Variants in LRRTM4 observed in about 807,000 individuals in gnomAD.
LRRTM4 encodes the protein leucine rich repeat transmembrane neuronal 4.
In LRRTM4, 25 loss-of-function variants were observed where a neutral mutation model predicts 47.6. The observed-to-expected ratio is 0.53, with a 90% CI of 0.38 to 0.73. The LOEUF is 0.73. LRRTM4 is among the 30% of genes least tolerant of loss of function. The pLI is 0.00. For synonymous variants in LRRTM4, 311 were observed against 269.5 expected, an observed-to-expected ratio of 1.15 and a Z score of -1.51; for missense variants, 638 against 713.4, an observed-to-expected ratio of 0.89 and a Z score of 1.20.
chr2:77,002,471 T>C (rs959365485), intron 3 of LRRTM4, among the ~76,000 whole-genome samples: 1 of 152,166 alleles, frequency 6.6e-6, no homozygotes, highest in Non-Finnish European at 1.5e-5. Flanking sequence ...ATAACCACCA[T>C]TGCTGACTAC....
At chr2:77,416,493 T>C (rs965007999) in intron 3 of LRRTM4, among the ~76,000 whole-genome samples, 1 of 152,264 alleles carries the variant, frequency 6.6e-6, no homozygotes, top group East Asian at 1.9e-4. Context: ...CATGAACATA[T>C]GCTACTATTA....
intron 3 of LRRTM4, among the ~76,000 whole-genome samples, chr2:77,035,574 C>CA (rs752067344): frequency 1.3e-5 from 2 of 151,664 alleles, no homozygotes; most frequent in Non-Finnish European, 2.9e-5. Context: ...ACCCAAGAAA[C>CA]AAAAATGATG....
At chr2:76,802,824 A>G (rs540245292) in intron 3 of LRRTM4, among the ~76,000 whole-genome samples, 3 of 152,288 alleles carry the variant, frequency 2.0e-5, no homozygotes, top group African/African-American at 7.2e-5. Flanking sequence ...GGTTTTTGAC[A>G]AAGGGACCAA....
At chr2:77,090,163 G>A (rs903399821) in intron 3 of LRRTM4, among the ~76,000 whole-genome samples, 9 of 152,120 alleles carry the variant, frequency 5.9e-5, no homozygotes, top group Non-Finnish European at 1.3e-4. Context: ...CTGGCTTACA[G>A]TTTCGTTCCG....
intron 3 of LRRTM4, among the ~76,000 whole-genome samples, chr2:77,425,412 A>G (rs1313601931): frequency 6.6e-6 from 1 of 152,178 alleles, no homozygotes; most frequent in Non-Finnish European, 1.5e-5. Flanking sequence ...CCTAAGTAGC[A>G]TTTACTTTTG....
Position 77,196,197 on chromosome 2 carries a change from G to A in LRRTM4, c.1551+322121C>T, listed in dbSNP as rs1360521648. On this transcript the variant is annotated intron_variant, in intron 3 of 3. Coordinates refer to ENST00000409884, the MANE Select transcript of LRRTM4 (RefSeq NM_001134745.3). ...TTTTTGAATTTACTTTCTTAGTTTGGCACAATAATTGTACAAATTCATGGA... is the reference window on the plus strand; with the variant it reads ...TTTTTGAATTTACTTTCTTAGTTTGACACAATAATTGTACAAATTCATGGA... Among the ~76,000 whole-genome samples, 11 of 152,082 alleles carry A rather than the reference G, an allele frequency of 7.2e-5. No individual in the cohort carries two copies. In the East Asian group the frequency reaches 9.6e-4, roughly 13 times the overall value.
intron 3 of LRRTM4, among the ~76,000 whole-genome samples, chr2:77,052,058 T>C (rs1437396573): frequency 6.6e-6 from 1 of 151,926 alleles, no homozygotes; most frequent in Non-Finnish European, 1.5e-5. Context: ...ATTTTGACCT[T>C]TGACCATGAG....
At chr2:77,087,126 T>C (rs1284717075) in intron 3 of LRRTM4, among the ~76,000 whole-genome samples, 4 of 152,192 alleles carry the variant, frequency 2.6e-5, no homozygotes, top group African/African-American at 9.6e-5. Context: ...GAAGCTTGTT[T>C]GTTATGCATC....
At chr2:76,872,698 C>T (rs527295965) in intron 3 of LRRTM4, among the ~76,000 whole-genome samples, 80 of 152,114 alleles carry the variant, frequency 5.3e-4, no homozygotes, top group Non-Finnish European at 9.3e-4. Context: ...ATATTTGACC[C>T]TCCAAACCTC....
At chr2:77,254,534 G>C (rs1270382757) in intron 3 of LRRTM4, among the ~76,000 whole-genome samples, 1 of 151,782 alleles carries the variant, frequency 6.6e-6, no homozygotes, top group Non-Finnish European at 1.5e-5. Context: ...AGATAAAATG[G>C]ATCTTTCACT....
intron 3 of LRRTM4, among the ~76,000 whole-genome samples, chr2:77,203,136 T>TA (rs1674025520): frequency 1.3e-5 from 2 of 152,000 alleles, no homozygotes; most frequent in Non-Finnish European, 2.9e-5. Context: ...TGTGTGTATA[T>TA]ATATGCAGTC....
At chr2:77,091,856 A>G (rs148102408) in intron 3 of LRRTM4, among the ~76,000 whole-genome samples, 41,124 of 127,004 alleles carry the variant, frequency 0.32, 7,765 homozygotes, top group East Asian at 0.57. Flanking sequence ...AATCGTGTCC[A>G]ACTGATCTCT....
intron 3 of LRRTM4, among the ~76,000 whole-genome samples, chr2:77,022,761 C>T (rs1410107155): frequency 6.6e-6 from 1 of 152,164 alleles, no homozygotes; most frequent in African/African-American, 2.4e-5. Context: ...CAGCTCTGCC[C>T]CTGTGGCTTT....
chr2:77,358,279 G>A (rs367608722), intron 3 of LRRTM4, among the ~76,000 whole-genome samples: 1 of 152,118 alleles, frequency 6.6e-6, no homozygotes, highest in Non-Finnish European at 1.5e-5. Flanking sequence ...TAAAAACATG[G>A]TGGAGAAGAT....
intron 3 of LRRTM4, among the ~76,000 whole-genome samples, chr2:77,462,068 C>A (rs949492317): frequency 6.6e-6 from 1 of 152,050 alleles, no homozygotes; most frequent in Non-Finnish European, 1.5e-5. Context: ...TTTAACCTAG[C>A]AGCAGAATTG....
intron 3 of LRRTM4, among the ~76,000 whole-genome samples, chr2:76,906,609 A>C (rs375031218): frequency 6.6e-6 from 1 of 152,182 alleles, no homozygotes; most frequent in Non-Finnish European, 1.5e-5. Context: ...AGCATCTCAC[A>C]TGCAGAGACA....
At chr2:77,138,756 A>G (rs1302537643) in intron 3 of LRRTM4, among the ~76,000 whole-genome samples, 1 of 152,130 alleles carries the variant, frequency 6.6e-6, no homozygotes, top group Non-Finnish European at 1.5e-5. Context: ...AGAGAGAAGA[A>G]TCAAATAGAC....
At chr2:76,787,011 G>A (rs1221768628) in intron 3 of LRRTM4, among the ~76,000 whole-genome samples, 3 of 151,792 alleles carry the variant, frequency 2.0e-5, no homozygotes, top group East Asian at 3.9e-4. Context: ...GGTGACTTGT[G>A]GAACATGAGG....
rs544633954 is a variant in LRRTM4 at position 77,417,408 on chromosome 2, T to C, written c.1551+100910A>G. On this transcript the variant is annotated intron_variant, in intron 3 of 3. Transcript: ENST00000409884. ...CATTACTGGGTATATACCCAAAGGA[T>C]TATAAATCATGCTGCTATAAAGACA... 5.1e-4 allele frequency among the ~76,000 whole-genome samples: 77 copies of C among 152,122 alleles called. No homozygotes were observed. In the South Asian group the frequency reaches 9.8e-3, roughly 19 times the overall value.
Sources: gnomAD v4.1 joint callset for allele counts (sites outside exome capture counted in the v4.1 genomes callset) on GRCh38, gnomAD v4.1.1 for gene constraint, MANE v1.5 for transcripts, NCBI Gene and HGNC (gene_info 2026-07-23, HGNC 2026-07-21) for gene names.